ERCC5: variants seen among roughly 807,000 people sequenced by gnomAD.
ERCC5 encodes DNA excision repair protein ERCC-5.
In ERCC5, 68 loss-of-function variants were observed where a neutral mutation model predicts 105.6. The observed-to-expected ratio is 0.64, with a 90% CI of 0.53 to 0.79. The LOEUF (loss-of-function observed/expected upper bound fraction) is 0.79, where lower values mean the gene tolerates loss of function less well. Ranked by LOEUF, ERCC5 falls within the 30% of genes least tolerant of loss-of-function variation. ERCC5 has a pLI of 0.00. For missense variants in ERCC5, 1,373 were observed against 1,426.7 expected, an observed-to-expected ratio of 0.96 and a Z score of 0.61; for synonymous variants, 546 against 526.2, an observed-to-expected ratio of 1.04 and a Z score of -0.51.
chr13:102,873,933 C>T (rs938016040), intron 14 of ERCC5, among the ~76,000 whole-genome samples: 3 of 152,168 alleles, frequency 2.0e-5, no homozygotes, highest in Non-Finnish European at 4.4e-5. Context: ...AAATAAACCA[C>T]TTAGCAGAAA....
In ERCC5 at chr13:102,862,234, A is replaced by T; in HGVS notation, c.1085A>T (p.Glu362Val). Residue 362 changes from glutamate to valine, a missense_variant, in exon 8 of 15, where the codon GAG becomes GTG. Glu to Val is a moderately radical substitution (Grantham distance 121). Around this residue, in one of 3 missense-constraint regions of ERCC5, gnomAD observed 1,004 missense variants for 1,059.7 expected, o/e 0.95. Coordinates refer to ENST00000652225, the MANE Select transcript of ERCC5 (RefSeq NM_000123.4). ...LLGSSSEEEL[E>V]SENRRQARGR... Reference sequence around the variant, plus strand: ...GGAAGTAGCTCAGAAGAGGAGCTGGAGAGTGAAAATCGAAGGCAGGCCCGT... The same window carrying T: ...GGAAGTAGCTCAGAAGAGGAGCTGGTGAGTGAAAATCGAAGGCAGGCCCGT... 1 of 1,614,188 alleles carries T rather than the reference A, an allele frequency of 6.2e-7. No individual in the cohort carries two copies. Among genetic ancestry groups the T allele is most frequent in the Non-Finnish European group, 8.5e-7 (1 of 1,180,046 alleles).
intron 6 of ERCC5, among the ~76,000 whole-genome samples, chr13:102,859,553 G>T (rs1298502504): frequency 2.6e-5 from 4 of 152,248 alleles, no homozygotes; most frequent in African/African-American, 7.2e-5. Flanking sequence ...AGTTGAGGAA[G>T]TAGAATTTTG....
chr13:102,863,144 T>C, intron 8 of ERCC5, 41 bp downstream of exon 8: 2 of 1,598,776 alleles, frequency 1.3e-6, no homozygotes, highest in Non-Finnish European at 1.7e-6. Flanking sequence ...AACGGTAGGA[T>C]TTCCCCTCTG....
chr13:102,853,878 A>G lies in ERCC5; in HGVS notation c.380+6A>G. The G allele has an allele frequency of 3.1e-6, 5 of 1,613,106 alleles. No homozygotes were observed. Among genetic ancestry groups the G allele is most frequent in the Non-Finnish European group, 4.2e-6 (5 of 1,179,030 alleles). On this transcript the variant is annotated splice_donor_region_variant and intron_variant, in intron 3 of 14. Coordinates refer to ENST00000652225, the MANE Select transcript of ERCC5 (RefSeq NM_000123.4). ...ACTGCCTTCAGAAGCAAAAGGCAAGAGGAAAATTATAGTCGTGTTAGAGAT... is the reference window on the plus strand; with the variant it reads ...ACTGCCTTCAGAAGCAAAAGGCAAGGGGAAAATTATAGTCGTGTTAGAGAT...
At chr13:102,846,488 T>C (rs1881968096) in intron 1 of ERCC5, 134 bp downstream of exon 1, 4 of 773,684 alleles carry the variant, frequency 5.2e-6, no homozygotes, top group Non-Finnish European at 4.5e-6. Flanking sequence ...ATAGAATCTC[T>C]GTCACTAGGT....
At chr13:102,861,149 C>G (rs992908921) in intron 6 of ERCC5, among the ~76,000 whole-genome samples, 1 of 151,948 alleles carries the variant, frequency 6.6e-6, no homozygotes, top group African/African-American at 2.4e-5. Context: ...CCATCACACC[C>G]GGCTAATTTT....
Position 102,862,536 on chromosome 13 carries a change from GA to G in ERCC5, c.1388del (p.Glu463GlyfsTer26). Reference protein sequence around the residue: ...SAEEHVASTNEGREPTDSVPK... With the variant: ...SAEEHVASTNXGREPTDSVPK... ...AGAGGAGCACGTAGCCAGCACTAAT[GA>G]GGGGAGAGAGCCCACAGACTCAGTT... is the stretch of plus-strand genomic sequence containing the variant. On this transcript the variant is annotated frameshift_variant, in exon 8 of 15. Transcript: ENST00000652225. LOFTEE classifies it high-confidence loss of function. The G allele has an allele frequency of 6.2e-7, 1 of 1,614,168 alleles. No homozygotes were observed. The highest frequency in any genetic ancestry group is 1.7e-5 in the Admixed American group (1 of 60,030).
At position 102,850,836 on chromosome 13, in the gene ERCC5, G is replaced by T. The variant is rs71441559; in HGVS notation, c.89-1282G>T. Among the ~76,000 whole-genome samples, 3 of 152,286 alleles carry T rather than the reference G, an allele frequency of 2.0e-5. No individual in the cohort carries two copies. In the South Asian group the frequency reaches 6.2e-4, roughly 32 times the overall value. ...ATGGAGTCAGGGCGTGGTGTATGTG[G>T]AGGGGAGTGGAGGTTGATAGTTCAG... On this transcript the variant is annotated intron_variant, in intron 1 of 14. Transcript: ENST00000652225.
chr13:102,861,622 G>C lies in ERCC5; in HGVS notation c.788G>C (p.Arg263Pro), dbSNP rs61749896. The C allele has an allele frequency of 2.4e-5, 39 of 1,614,000 alleles. No homozygotes were observed. The highest frequency in any genetic ancestry group is 3.3e-5 in the Non-Finnish European group (39 of 1,180,030). The change falls in exon 7 of 15, where the codon CGA becomes CCA. Residue 263 changes from arginine to proline, a missense_variant. This residue lies in a region of ERCC5 where 1,004 missense variants were observed against 1,059.7 expected (regional missense o/e 0.95). Transcript: ENST00000652225. Reference protein sequence around the residue: ...EMNQQHSGHIRRQYEDEGGFL... With the variant: ...EMNQQHSGHIPRQYEDEGGFL... ...AATCAGCAACATTCAGGACACATCC[G>C]AAGGCAGTATGAAGATGAAGGGGGC... is the stretch of plus-strand genomic sequence containing the variant.
In ERCC5 at chr13:102,865,358, G is replaced by T; in HGVS notation, c.1955-309G>T. 8.3e-6 allele frequency: 3 copies of T among 360,988 alleles called. No homozygotes were observed. Among genetic ancestry groups the T allele is most frequent in the Non-Finnish European group, 1.1e-5 (2 of 188,800 alleles). 22.4% of individuals were successfully genotyped at this position (360,988 alleles called of 1,614,324 possible). A position where few individuals can be genotyped will look rare whatever the true frequency, so the allele number is the denominator to read the frequency against. On this transcript the variant is annotated intron_variant, in intron 8 of 14. Transcript: ENST00000652225. This position sits in a 1 kb window ranked among gnomAD's most constrained non-coding sequence, Gnocchi z 4.0. ...ATATACTTTGATAATCCTCCTTTTT[G>T]AATTTTTAAAACAATGTCAGTTAAC...
chr13:102,873,253 A>C lies in ERCC5; in HGVS notation c.2880-6A>C, dbSNP rs892366687. ...CAAAATATTTATAAGTCTTAACTGC[A>C]TGCATATTTTGTCAGCGGTATTTCG... is the stretch of plus-strand genomic sequence containing the variant. On this transcript the variant is annotated splice_polypyrimidine_tract_variant and splice_region_variant and intron_variant, in intron 13 of 14. Transcript: ENST00000652225. The C allele has an allele frequency of 2.8e-5, 45 of 1,614,122 alleles. No individual in the cohort carries two copies. Among genetic ancestry groups the C allele is most frequent in the Non-Finnish European group, 3.8e-5 (45 of 1,180,002 alleles).
At position 102,875,551 on chromosome 13, in the gene ERCC5, T is replaced by C; in HGVS notation, c.3209T>C (p.Leu1070Pro). Residue 1070 changes from leucine to proline, a missense_variant, in exon 15 of 15, where the codon CTG (leucine) becomes CCG (proline). Physicochemically the swap from Leu to Pro is moderately conservative, Grantham distance 98 (BLOSUM62 -3). Around this residue, in one of 3 missense-constraint regions of ERCC5, gnomAD observed 367 missense variants for 350.2 expected, o/e 1.05. Coordinates refer to ENST00000652225, the MANE Select transcript of ERCC5 (RefSeq NM_000123.4). ...AATACCTTAGAAGAGTCATCAAGCC[T>C]GAAAAGAAAGAGGCTTTCAGATTCT... ...ITNTLEESSS[L>P]KRKRLSDSKG... is the part of the protein sequence containing the mutation. 1 of 1,612,982 alleles carries C rather than the reference T, an allele frequency of 6.2e-7. No individual in the cohort carries two copies. Among genetic ancestry groups the C allele is most frequent in the Non-Finnish European group, 8.5e-7 (1 of 1,179,644 alleles).
At chr13:102,847,148 T>C (rs1881998513) in intron 1 of ERCC5, among the ~76,000 whole-genome samples, 1 of 152,182 alleles carries the variant, frequency 6.6e-6, no homozygotes, top group African/African-American at 2.4e-5. Flanking sequence ...GGACAGGTGT[T>C]TTACCCATTT....
At chr13:102,866,875 T>G in intron 11 of ERCC5, 30 bp downstream of exon 11, 1 of 1,578,776 alleles carries the variant, frequency 6.3e-7, no homozygotes, top group Non-Finnish European at 8.6e-7. Flanking sequence ...TTGATTACTT[T>G]CTGACATTTA....
intron 6 of ERCC5, among the ~76,000 whole-genome samples, chr13:102,860,055 T>G (rs755271050): frequency 6.6e-6 from 1 of 152,228 alleles, no homozygotes; most frequent in Non-Finnish European, 1.5e-5. Flanking sequence ...GCTTCCTGCC[T>G]GTTAATCACT....
At chr13:102,855,772 A>G (rs1042034818) in intron 4 of ERCC5, among the ~76,000 whole-genome samples, 1 of 152,186 alleles carries the variant, frequency 6.6e-6, no homozygotes, top group Non-Finnish European at 1.5e-5. Context: ...GTGTAATTGC[A>G]GGAGATCCTG....
At chr13:102,872,567 TTTTG>T (rs1566473140) in intron 13 of ERCC5, among the ~76,000 whole-genome samples, 169 bp downstream of exon 13, 1 of 152,166 alleles carries the variant, frequency 6.6e-6, no homozygotes, top group African/African-American at 2.4e-5. Flanking sequence ...AGTTGTTGTT[TTTTG>T]TTTGTTTGTT....
chr13:102,850,968 C>T (rs565430964), intron 1 of ERCC5, among the ~76,000 whole-genome samples: 106 of 152,252 alleles, frequency 7.0e-4, no homozygotes, highest in Non-Finnish European at 1.4e-3. Context: ...CAGCAGAGCG[C>T]GGTGTCACTC....
chr13:102,861,179 G>C (rs535754118), intron 6 of ERCC5, among the ~76,000 whole-genome samples: 1 of 152,138 alleles, frequency 6.6e-6, no homozygotes, highest in African/African-American at 2.4e-5. Flanking sequence ...AGTAGAGACA[G>C]GGTTTCACCA....
Sources: gnomAD v4.1 joint callset for allele counts (sites outside exome capture counted in the v4.1 genomes callset) on GRCh38, gnomAD v4.1.1 for gene constraint, gnomAD v4.1.1 regional missense constraint, Gnocchi (gnomAD v3.1) non-coding constraint, MANE v1.5 for transcripts, NCBI Gene and HGNC (gene_info 2026-07-23, HGNC 2026-07-21) for gene names.